The following IMPA2 variants were observed in gnomAD, a reference collection of about 807,000 sequenced individuals.
IMPA2 encodes the protein IMP 2.
IMPA2 carries 32 observed loss-of-function variants against 35.1 expected under a neutral mutation model. That is an observed-to-expected ratio of 0.91 (90% confidence interval 0.69 to 1.23). The LOEUF (loss-of-function observed/expected upper bound fraction) is 1.23. IMPA2 is among the 50% of genes most tolerant of loss of function. The pLI is 0.00. For missense variants in IMPA2, 334 were observed against 387.6 expected (o/e 0.86, Z 1.16); for synonymous variants, 135 against 160.6 (o/e 0.84, Z 1.20).
At position 11,988,108 on chromosome 18, in the gene IMPA2, C is replaced by G. The variant is rs543085604; in HGVS notation, c.96+6343C>G. ...GCAACCTCCGCTTCCCGGGCTCAAG[C>G]AATTCTCCTGCCTCAGCCTCCCGAG... On this transcript the variant is annotated intron_variant, in intron 1 of 7. Transcript: ENST00000269159. 1.1e-3 allele frequency among the ~76,000 whole-genome samples: 164 copies of G among 146,564 alleles called. 1 individual carries two copies. Among genetic ancestry groups the G allele is most frequent in the Non-Finnish European group, 9.8e-4 (66 of 67,396 alleles).
chr18:12,013,743 CTG>C (rs998960880), intron 4 of IMPA2, among the ~76,000 whole-genome samples: 3 of 152,186 alleles, frequency 2.0e-5, no homozygotes, highest in African/African-American at 7.2e-5. Context: ...AGTCGGGCCA[CTG>C]TTCAGCGCAC....
At chr18:12,016,846 G>A (rs763103295) in intron 5 of IMPA2, among the ~76,000 whole-genome samples, 3 of 152,138 alleles carry the variant, frequency 2.0e-5, no homozygotes, top group African/African-American at 4.8e-5. Flanking sequence ...AATAAGTTAC[G>A]CATATAAAGC....
chr18:11,994,064 A>C (rs1906888800), intron 1 of IMPA2: 1 of 152,262 alleles, frequency 6.6e-6, no homozygotes, highest in Non-Finnish European at 1.5e-5. Flanking sequence ...TAAAAGCAGA[A>C]AACAGTTAAT....
chr18:12,009,774 G>A (rs1309472059), intron 2 of IMPA2, 109 bp from the exon 3 acceptor site: 1 of 786,676 alleles, frequency 1.3e-6, no homozygotes, highest in Non-Finnish European at 2.2e-6. Flanking sequence ...AAACCATGAT[G>A]ACATCTGTTT....
intron 1 of IMPA2, among the ~76,000 whole-genome samples, 160 bp from the exon 2 acceptor site, chr18:11,998,894 A>G (rs569906849): frequency 1.4e-3 from 192 of 133,804 alleles, no homozygotes; most frequent in Non-Finnish European, 2.3e-3. Context: ...GCAAGAAGTC[A>G]GTGACCCACA....
chr18:12,001,720 A>T (rs970347583), intron 2 of IMPA2, among the ~76,000 whole-genome samples: 1 of 152,212 alleles, frequency 6.6e-6, no homozygotes, highest in Non-Finnish European at 1.5e-5. Flanking sequence ...GAAAACCATG[A>T]TGCAGAGCAG....
intron 5 of IMPA2, chr18:12,017,598 T>C (rs1330624385): frequency 2.3e-6 from 1 of 432,572 alleles, no homozygotes; most frequent in Non-Finnish European, 4.6e-6. Flanking sequence ...TTGTTTTGTT[T>C]TGTTTTTTGA....
chr18:11,989,740 G>A (rs557322552), intron 1 of IMPA2, among the ~76,000 whole-genome samples: 87 of 152,282 alleles, frequency 5.7e-4, no homozygotes, highest in Non-Finnish European at 5.9e-4. Context: ...GGAGAGGCTG[G>A]TAGATGGCTC....
intron 2 of IMPA2, among the ~76,000 whole-genome samples, chr18:12,007,713 C>T (rs1254471379): frequency 7.7e-6 from 1 of 130,566 alleles, no homozygotes. Context: ...TTCCCTCCTT[C>T]CCTTCTTTAT....
intron 5 of IMPA2, among the ~76,000 whole-genome samples, chr18:12,016,227 C>T (rs1474295820): frequency 6.6e-6 from 1 of 152,184 alleles, no homozygotes; most frequent in African/African-American, 2.4e-5. Context: ...CACCAAATTC[C>T]TCCATATGGG....
rs150886212 is a variant in IMPA2, at chr18:12,004,469, G to T, written c.230+5282G>T. ...TTTTCCTCTTGTCTATTGGATAGAC[G>T]TATGGAATGTTCTTTTTTTCCCTAA... On this transcript the variant is annotated intron_variant, in intron 2 of 7. Transcript: ENST00000269159. Among the ~76,000 whole-genome samples, 485 of 151,534 alleles carry T rather than the reference G, an allele frequency of 3.2e-3. 4 individuals carry two copies. The highest frequency in any genetic ancestry group is 4.9e-3 in the Non-Finnish European group (333 of 67,940).
At chr18:12,011,738 G>C (rs1907439477) in intron 3 of IMPA2, among the ~76,000 whole-genome samples, 1 of 152,236 alleles carries the variant, frequency 6.6e-6, no homozygotes, top group Admixed American at 6.5e-5. Context: ...AGTGCCACAG[G>C]GTGAGCTGTG....
chr18:11,999,255 C>A, intron 2 of IMPA2, 68 bp downstream of exon 2: 3 of 1,497,662 alleles, frequency 2.0e-6, no homozygotes, highest in Non-Finnish European at 1.8e-6. Flanking sequence ...GCAGGGTCTG[C>A]CGGGGTCAGG....
chr18:12,020,548 T>A (rs548831240), intron 5 of IMPA2, among the ~76,000 whole-genome samples: 23 of 152,330 alleles, frequency 1.5e-4, no homozygotes, highest in African/African-American at 5.0e-4. Context: ...ATATTTTTTT[T>A]ATTTCCCAAT....
intron 2 of IMPA2, among the ~76,000 whole-genome samples, chr18:12,007,628 CTTCTTTCTTTCTTTCTTTCT>C (rs71172044): frequency 0.033 from 3,885 of 116,732 alleles, 225 homozygotes; most frequent in African/African-American, 0.12. Context: ...CTTTTTCTTT[CTTCTTTCTTTCTTTCTTTCT>C]TTCTTTCTTT....
intron 2 of IMPA2, among the ~76,000 whole-genome samples, chr18:12,001,775 G>A (rs1041387421): frequency 1.3e-4 from 20 of 152,088 alleles, no homozygotes; most frequent in South Asian, 6.2e-4. Context: ...GAGCGTGCCC[G>A]GGCTGAACAC....
chr18:12,023,939 A>G (rs930774370), intron 5 of IMPA2, among the ~76,000 whole-genome samples: 3 of 152,234 alleles, frequency 2.0e-5, no homozygotes, highest in African/African-American at 4.8e-5. Context: ...TTGGAAAATT[A>G]TATCAAAACC....
At chr18:12,028,604 G>A in intron 6 of IMPA2, 1 of 540,662 alleles carries the variant, frequency 1.8e-6, no homozygotes, top group East Asian at 3.1e-5. Context: ...TGCATCTCAG[G>A]TGCTCAGTAG....
intron 1 of IMPA2, among the ~76,000 whole-genome samples, chr18:11,990,699 C>G (rs528713873): frequency 5.3e-5 from 8 of 150,968 alleles, no homozygotes; most frequent in East Asian, 2.0e-4. Flanking sequence ...CTGGCTGGCT[C>G]TCATTGCTTT....
Sources: gnomAD v4.1 joint callset for allele counts (sites outside exome capture counted in the v4.1 genomes callset) on GRCh38, gnomAD v4.1.1 for gene constraint, MANE v1.5 for transcripts, NCBI Gene and HGNC (gene_info 2026-07-23, HGNC 2026-07-21) for gene names.